Variants in METTL25 observed in about 807,000 individuals in gnomAD.
METTL25 encodes probable methyltransferase-like protein 25.
A neutral mutation model predicts 71.6 loss-of-function variants in METTL25; 64 were observed. The ratio of observed to expected loss-of-function variants is 0.89; its 90% CI spans 0.73 to 1.10. The LOEUF (loss-of-function observed/expected upper bound fraction) is 1.10. Ranked by LOEUF, METTL25 falls within the 50% of genes least tolerant of loss-of-function variation. METTL25 has a pLI of 0.00. For synonymous variants in METTL25, 287 were observed against 250.3 expected (o/e 1.15, Z -1.38); for missense variants, 807 against 707.0 (o/e 1.14, Z -1.60).
chr12:82,395,903 C>A (rs982266786), intron 3 of METTL25, among the ~76,000 whole-genome samples: 1 of 151,974 alleles, frequency 6.6e-6, no homozygotes, highest in Admixed American at 6.6e-5. Flanking sequence ...ACTATATAGC[C>A]CTTGCATGAG....
At chr12:82,420,853 AT>A (rs571228067) in intron 5 of METTL25, among the ~76,000 whole-genome samples, 2,316 of 147,734 alleles carry the variant, frequency 0.016, 45 homozygotes, top group African/African-American at 0.054. Context: ...ATGAGGTTTG[AT>A]TTTTTTTTTT....
chr12:82,456,862 A>G lies in METTL25; in HGVS notation c.1572+42A>G, dbSNP rs781096443. On this transcript the variant is annotated intron_variant, in intron 9 of 11. Coordinates refer to ENST00000248306, the MANE Select transcript of METTL25 (RefSeq NM_032230.3). ...TCATTATTTTCAGAAAAGACAGAAG[A>G]ACTTCTATTTTGTAATGAATTGAGA... 6.1e-6 allele frequency: 6 copies of G among 977,802 alleles called. No homozygotes were observed. The South Asian group carries it at 1.2e-4, about 20-fold the overall frequency. The allele number at this position is 977,802 out of a possible 1,614,324, so 60.6% of individuals were successfully genotyped here.
intron 1 of METTL25, among the ~76,000 whole-genome samples, chr12:82,366,985 C>A (rs1195097809): frequency 6.6e-6 from 1 of 152,140 alleles, no homozygotes; most frequent in African/African-American, 2.4e-5. Context: ...CTTTGAGAAC[C>A]AAGGATAATT....
intron 8 of METTL25, chr12:82,451,282 A>G (rs1023229859): frequency 1.8e-5 from 18 of 979,072 alleles, no homozygotes; most frequent in Non-Finnish European, 2.2e-5. Flanking sequence ...AAAGACTCCT[A>G]ATAGTTTGGT....
Position 82,403,146 on chromosome 12 carries a change from G to T in METTL25, c.1279+16G>T, listed in dbSNP as rs1319654773. 6.3e-7 allele frequency: 1 copy of T among 1,596,348 alleles called. No homozygotes were observed. The highest frequency in any genetic ancestry group is 1.4e-5 in the African/African-American group (1 of 73,568). ...CAGCATAAAGGTACAAGTTCCCCATGTGTCATAATTTTTATTCATTTGAGC... is the reference window on the plus strand; with the variant it reads ...CAGCATAAAGGTACAAGTTCCCCATTTGTCATAATTTTTATTCATTTGAGC... On this transcript the variant is annotated intron_variant, in intron 5 of 11. Transcript: ENST00000248306.
chr12:82,471,521 T>C (rs1892568063), intron 9 of METTL25, among the ~76,000 whole-genome samples: 1 of 152,238 alleles, frequency 6.6e-6, no homozygotes, highest in South Asian at 2.1e-4. Context: ...AAACAGAATA[T>C]ATAGAGACTT....
At chr12:82,463,329 A>G (rs970474519) in intron 9 of METTL25, among the ~76,000 whole-genome samples, 1 of 152,070 alleles carries the variant, frequency 6.6e-6, no homozygotes, top group Middle Eastern at 3.4e-3. Context: ...AGAATATACT[A>G]TGTTTTTAAC....
chr12:82,429,273 T>C (rs1889291114), intron 5 of METTL25, among the ~76,000 whole-genome samples: 1 of 151,668 alleles, frequency 6.6e-6, no homozygotes, highest in African/African-American at 2.4e-5. Context: ...TATTTTTAGC[T>C]CTCACATATG....
chr12:82,440,443 A>G (rs1431203280), intron 8 of METTL25, among the ~76,000 whole-genome samples: 2 of 152,048 alleles, frequency 1.3e-5, no homozygotes, highest in African/African-American at 4.8e-5. Flanking sequence ...CTTCTAATAA[A>G]CAGGTGTTAT....
At chr12:82,478,059 C>T (rs1039500411) in intron 11 of METTL25, among the ~76,000 whole-genome samples, 7 of 151,774 alleles carry the variant, frequency 4.6e-5, no homozygotes, top group African/African-American at 1.7e-4. Context: ...AAAATGTTTG[C>T]TTTGTTCTAA....
At chr12:82,411,971 C>T (rs1189158664) in intron 5 of METTL25, among the ~76,000 whole-genome samples, 1 of 152,000 alleles carries the variant, frequency 6.6e-6, no homozygotes, top group Non-Finnish European at 1.5e-5. Context: ...AGGTTTATTT[C>T]CTCTTCCAAA....
At chr12:82,430,833 A>G in intron 5 of METTL25, 60 bp from the exon 6 acceptor site, 1 of 915,396 alleles carries the variant, frequency 1.1e-6, no homozygotes. Context: ...TAGATTATTT[A>G]TTTTAACTGA....
chr12:82,394,792 C>G (rs1016346284), intron 3 of METTL25, among the ~76,000 whole-genome samples: 2 of 151,734 alleles, frequency 1.3e-5, no homozygotes, highest in Admixed American at 6.6e-5. Flanking sequence ...GTTTTTGATA[C>G]AGAGGGGAAG....
At chr12:82,428,979 T>C (rs1889259817) in intron 5 of METTL25, among the ~76,000 whole-genome samples, 1 of 151,898 alleles carries the variant, frequency 6.6e-6, no homozygotes, top group Non-Finnish European at 1.5e-5. Flanking sequence ...ACAGAATGTG[T>C]AATGATCAAG....
At chr12:82,423,251 A>C (rs1162551512) in intron 5 of METTL25, among the ~76,000 whole-genome samples, 7 of 152,216 alleles carry the variant, frequency 4.6e-5, no homozygotes, top group South Asian at 2.1e-4. Flanking sequence ...ATCTACAACT[A>C]TCTGATCTTT....
At chr12:82,398,693 A>G (rs1392467834) in intron 3 of METTL25, 102 bp from the exon 4 acceptor site, 1 of 666,244 alleles carries the variant, frequency 1.5e-6, no homozygotes, top group African/African-American at 1.9e-5. Flanking sequence ...TTAAAATAAT[A>G]TTTAAGTTAT....
At chr12:82,474,056 G>A (rs1036089130) in intron 9 of METTL25, among the ~76,000 whole-genome samples, 2 of 152,102 alleles carry the variant, frequency 1.3e-5, no homozygotes, top group Admixed American at 6.5e-5. Flanking sequence ...GGGAGTGCGC[G>A]CATTGTTCTC....
intron 9 of METTL25, among the ~76,000 whole-genome samples, chr12:82,468,055 CTTCTCAAAGTCCTTTCCTACACCAGCA>C (rs1035221154): frequency 6.6e-6 from 1 of 151,510 alleles, no homozygotes; most frequent in African/African-American, 2.4e-5. Flanking sequence ...GAAATTTTTT[CTTCTCAAAGTCCTTTCCTACACCAGCA>C]TTCTCAAAGT....
At chr12:82,434,793 G>A in intron 7 of METTL25, 69 bp downstream of exon 7, 1 of 1,253,290 alleles carries the variant, frequency 8.0e-7, no homozygotes, top group Non-Finnish European at 1.2e-6. Flanking sequence ...TTGACCTGCT[G>A]ATGAACTTAA....
Sources: gnomAD v4.1 joint callset for allele counts (sites outside exome capture counted in the v4.1 genomes callset) on GRCh38, gnomAD v4.1.1 for gene constraint, MANE v1.5 for transcripts, NCBI Gene and HGNC (gene_info 2026-07-23, HGNC 2026-07-21) for gene names.